The following PARP8 variants were observed in gnomAD, a reference collection of about 807,000 sequenced individuals.
The protein encoded by PARP8 is poly(ADP-ribose) polymerase family member 8.
Under a neutral mutation model 124.1 loss-of-function variants are expected in PARP8, and 51 were observed. The ratio of observed to expected loss-of-function variants is 0.41; its 90% CI spans 0.33 to 0.52. The LOEUF is 0.52. Among genes scored for constraint, PARP8 ranks in the 20% least tolerant of loss-of-function variants. PARP8 has a pLI of 0.21. For missense variants in PARP8, 860 were observed against 1,018.9 expected, an observed-to-expected ratio of 0.84 and a Z score of 2.12; for synonymous variants, 391 against 361.5, an observed-to-expected ratio of 1.08 and a Z score of -0.93.
At chr5:50,832,729 A>T in intron 22 of PARP8, 52 bp from the exon 23 acceptor site, 1 of 1,566,620 alleles carries the variant, frequency 6.4e-7, no homozygotes, top group East Asian at 2.3e-5. Context: ...TTGTACTTTC[A>T]GCTGCATCAG....
intron 14 of PARP8, among the ~76,000 whole-genome samples, chr5:50,813,807 ATG>A (rs934725028): frequency 1.3e-5 from 2 of 152,048 alleles, no homozygotes; most frequent in African/African-American, 2.4e-5. Context: ...AGTCCCTGGA[ATG>A]TGTGTGTATA....
In PARP8 at chr5:50,750,156, C is replaced by T. The variant is rs756041032; in HGVS notation, c.152C>T (p.Ser51Phe). 3.8e-6 allele frequency: 6 copies of T among 1,586,572 alleles called. No homozygotes were observed. Among genetic ancestry groups the T allele is most frequent in the Non-Finnish European group, 5.2e-6 (6 of 1,156,824 alleles). Residue 51 changes from serine to phenylalanine, a missense_variant, in exon 3 of 26, where the codon TCC becomes TTC. Ser to Phe is a radical substitution (Grantham distance 155, BLOSUM62 -2). Coordinates refer to ENST00000281631, the MANE Select transcript of PARP8 (RefSeq NM_024615.4). The stretch of plus-strand genomic sequence containing the variant: ...TTGTTTGTTTGTTTTAACAGTGTAT[C>T]CTACTCAGTACATGTATCTGAAGAT... ...FTYVGGPRSV[S>F]YSVHVSEDYP...
chr5:50,753,719 A>T (rs1413508036), intron 3 of PARP8, among the ~76,000 whole-genome samples: 1 of 152,056 alleles, frequency 6.6e-6, no homozygotes, highest in Non-Finnish European at 1.5e-5. Context: ...ATTCAGCAAA[A>T]ATATCCAGAA....
chr5:50,808,057 A>T (rs1744055380), intron 14 of PARP8, among the ~76,000 whole-genome samples: 1 of 151,848 alleles, frequency 6.6e-6, no homozygotes, highest in Non-Finnish European at 1.5e-5. Flanking sequence ...TAAGGTTCTT[A>T]TTTTCCAAGT....
intron 2 of PARP8, among the ~76,000 whole-genome samples, chr5:50,739,419 A>G (rs115151078): frequency 0.01 from 1,560 of 151,900 alleles, 24 homozygotes; most frequent in Non-Finnish European, 0.013. Context: ...GGGAGTTGAG[A>G]AATCATTTTT....
Position 50,762,865 on chromosome 5 carries a change from C to T in PARP8, c.424-283C>T, listed in dbSNP as rs1580251010. ...GGGGAAGTAACTGCTTTTCTTCAGT[C>T]TTGATGTTCATTCTAGAAGTTTTTT... On this transcript the variant is annotated intron_variant, in intron 6 of 25. Coordinates refer to ENST00000281631, the MANE Select transcript of PARP8 (RefSeq NM_024615.4). Among the ~76,000 whole-genome samples the T allele has an allele frequency of 2.6e-5, 4 of 152,264 alleles. No individual in the cohort carries two copies. In the South Asian group the frequency reaches 8.3e-4, roughly 32 times the overall value.
intron 8 of PARP8, 105 bp from the exon 9 acceptor site, chr5:50,778,455 T>C (rs777429850): frequency 2.2e-6 from 2 of 894,400 alleles, no homozygotes; most frequent in Non-Finnish European, 3.5e-6. Context: ...TAGGCCTTCA[T>C]GTTATATGCA....
chr5:50,672,197 T>C (rs1750107337), intron 2 of PARP8, among the ~76,000 whole-genome samples: 1 of 152,228 alleles, frequency 6.6e-6, no homozygotes, highest in African/African-American at 2.4e-5. Context: ...TTCGTCTGTA[T>C]GATTCTGCTA....
At chr5:50,751,191 A>G (rs1038185126) in intron 3 of PARP8, among the ~76,000 whole-genome samples, 16 of 152,164 alleles carry the variant, frequency 1.1e-4, no homozygotes, top group African/African-American at 3.9e-4. Flanking sequence ...GATGTATGGT[A>G]GAAGATGCCT....
At chr5:50,675,482 T>C (rs1049473240) in intron 2 of PARP8, among the ~76,000 whole-genome samples, 12 of 152,300 alleles carry the variant, frequency 7.9e-5, no homozygotes, top group African/African-American at 2.6e-4. Flanking sequence ...TTTTTTTGTA[T>C]TCTTAGTCGA....
At chr5:50,742,588 G>T (rs184564368) in intron 2 of PARP8, among the ~76,000 whole-genome samples, 3 of 152,240 alleles carry the variant, frequency 2.0e-5, no homozygotes, top group African/African-American at 7.2e-5. Context: ...AGAGTGAAAG[G>T]GTAGGTTGTT....
chr5:50,682,106 C>T (rs879292517), intron 2 of PARP8, among the ~76,000 whole-genome samples: 1 of 152,112 alleles, frequency 6.6e-6, no homozygotes, highest in Non-Finnish European at 1.5e-5. Context: ...AAATATTGCA[C>T]ATGGGACCAT....
chr5:50,793,117 G>A (rs1467385867), intron 10 of PARP8, among the ~76,000 whole-genome samples: 2 of 152,118 alleles, frequency 1.3e-5, no homozygotes, highest in South Asian at 2.1e-4. Flanking sequence ...TACTTGCTGC[G>A]GTACTCTGAA....
intron 2 of PARP8, among the ~76,000 whole-genome samples, chr5:50,733,304 A>C (rs1757165141): frequency 6.6e-6 from 1 of 151,786 alleles, no homozygotes; most frequent in Non-Finnish European, 1.5e-5. Context: ...AAAAACCAAA[A>C]CAAAAAAAAA....
At chr5:50,840,573 A>T (rs1258776229) in intron 25 of PARP8, among the ~76,000 whole-genome samples, 9 of 151,892 alleles carry the variant, frequency 5.9e-5, no homozygotes, top group Non-Finnish European at 1.0e-4. Context: ...TATAGAGAGA[A>T]AAATTTAAGG....
intron 2 of PARP8, among the ~76,000 whole-genome samples, chr5:50,742,749 A>G (rs1758177944): frequency 6.6e-6 from 1 of 152,196 alleles, no homozygotes; most frequent in African/African-American, 2.4e-5. Flanking sequence ...CAGGCCCCTT[A>G]GTTTCATTGT....
chr5:50,804,809 A>G (rs1323986726), intron 14 of PARP8, among the ~76,000 whole-genome samples: 4 of 152,176 alleles, frequency 2.6e-5, no homozygotes, highest in Non-Finnish European at 1.5e-5. Flanking sequence ...GTTTAGAAAT[A>G]GCTCCGAGAA....
chr5:50,681,605 G>GT (rs1227235198), intron 2 of PARP8, among the ~76,000 whole-genome samples: 1 of 152,140 alleles, frequency 6.6e-6, no homozygotes, highest in Non-Finnish European at 1.5e-5. Context: ...TCAACTAGTT[G>GT]TGGAGCATTT....
At chr5:50,670,803 G>A (rs1749922042) in intron 2 of PARP8, among the ~76,000 whole-genome samples, 1 of 152,180 alleles carries the variant, frequency 6.6e-6, no homozygotes, top group Non-Finnish European at 1.5e-5. Flanking sequence ...GTGTTTTCAA[G>A]CTTTTTGAGC....
Sources: gnomAD v4.1 joint callset for allele counts (sites outside exome capture counted in the v4.1 genomes callset) on GRCh38, gnomAD v4.1.1 for gene constraint, MANE v1.5 for transcripts, NCBI Gene and HGNC (gene_info 2026-07-23, HGNC 2026-07-21) for gene names.